The following FTO variants were observed in gnomAD, a reference collection of about 807,000 sequenced individuals.
The protein encoded by FTO is FTO alpha-ketoglutarate dependent dioxygenase.
FTO carries 47 observed loss-of-function variants against 63.9 expected under a neutral mutation model. The ratio of observed to expected loss-of-function variants is 0.74; its 90% CI spans 0.58 to 0.94. The LOEUF is 0.94. FTO is among the 40% of genes least tolerant of loss of function. The pLI is 0.00. For missense variants in FTO, 562 were observed against 618.1 expected, an observed-to-expected ratio of 0.91 and a Z score of 0.96; for synonymous variants, 207 against 224.4, an observed-to-expected ratio of 0.92 and a Z score of 0.69.
intron 1 of FTO, among the ~76,000 whole-genome samples, chr16:53,805,442 GGT>G (rs1491318846): frequency 5.0e-5 from 6 of 120,546 alleles, no homozygotes; most frequent in Admixed American, 3.5e-4. Flanking sequence ...TTTGAGTTGT[GGT>G]TTTTTTTTTT....
At chr16:53,805,361 A>C (rs919438515) in intron 1 of FTO, among the ~76,000 whole-genome samples, 1 of 152,054 alleles carries the variant, frequency 6.6e-6, no homozygotes, top group African/African-American at 2.4e-5. Flanking sequence ...GATACAGCTT[A>C]ACTTTTTCAC....
At chr16:53,968,309 G>C (rs1272206330) in intron 8 of FTO, among the ~76,000 whole-genome samples, 1 of 152,156 alleles carries the variant, frequency 6.6e-6, no homozygotes, top group African/African-American at 2.4e-5. Context: ...AGCCTAATTT[G>C]GTATCTGGGG....
intron 1 of FTO, among the ~76,000 whole-genome samples, chr16:53,744,878 A>G (rs2076613454): frequency 6.6e-6 from 1 of 150,758 alleles, no homozygotes; most frequent in Admixed American, 6.6e-5. Context: ...CTTTGACCAT[A>G]CAACATCTAA....
intron 1 of FTO, among the ~76,000 whole-genome samples, chr16:53,759,691 CTCAAAAA>C (rs2077003031): frequency 2.6e-5 from 3 of 114,314 alleles, no homozygotes; most frequent in Non-Finnish European, 5.4e-5. Context: ...AAGACTCCTT[CTCAAAAA>C]AAAAAAAAAA....
chr16:53,743,782 A>G (rs763242603), intron 1 of FTO, among the ~76,000 whole-genome samples: 4 of 151,806 alleles, frequency 2.6e-5, no homozygotes, highest in Non-Finnish European at 5.9e-5. Flanking sequence ...AACCCTGCCT[A>G]GTTACCATTT....
intron 8 of FTO, among the ~76,000 whole-genome samples, chr16:53,980,331 T>C (rs1397025957): frequency 6.6e-6 from 1 of 152,192 alleles, no homozygotes; most frequent in Admixed American, 6.5e-5. Flanking sequence ...GTTTGCTACC[T>C]GGAAACCAGA....
At chr16:53,880,653 T>C (rs1351539978) in intron 6 of FTO, among the ~76,000 whole-genome samples, 3 of 152,138 alleles carry the variant, frequency 2.0e-5, no homozygotes, top group African/African-American at 7.2e-5. Context: ...CCTCTCACTT[T>C]CCTTAGACGG....
At chr16:53,878,452 T>A (rs8061064) in intron 5 of FTO, among the ~76,000 whole-genome samples, 75,307 of 151,940 alleles carry the variant, frequency 0.5, 19,263 homozygotes, top group East Asian at 0.85. Context: ...TAAAATACAT[T>A]TTAGTCAAGC....
intron 8 of FTO, among the ~76,000 whole-genome samples, chr16:53,941,259 G>A (rs2082522838): frequency 6.6e-6 from 1 of 152,330 alleles, no homozygotes; most frequent in South Asian, 2.1e-4. Flanking sequence ...AGATGAGTAT[G>A]ACGTGAGTCT....
intron 7 of FTO, among the ~76,000 whole-genome samples, chr16:53,912,967 T>C (rs2081750968): frequency 6.6e-6 from 1 of 152,192 alleles, no homozygotes; most frequent in African/African-American, 2.4e-5. Context: ...CAAGTGGCCT[T>C]TGTAAACTGC....
intron 8 of FTO, among the ~76,000 whole-genome samples, chr16:53,995,411 A>G (rs1041173027): frequency 2.0e-5 from 3 of 152,216 alleles, no homozygotes; most frequent in African/African-American, 7.2e-5. Context: ...ACACGATACC[A>G]CTGAGGAAGC....
chr16:53,996,190 A>G (rs927163943), intron 8 of FTO, among the ~76,000 whole-genome samples: 4 of 152,346 alleles, frequency 2.6e-5, no homozygotes, highest in Middle Eastern at 3.4e-3. Context: ...TGGTTCAATA[A>G]GAAGCACCCC....
At chr16:53,768,627 G>A (rs1354795109) in intron 1 of FTO, among the ~76,000 whole-genome samples, 1 of 152,176 alleles carries the variant, frequency 6.6e-6, no homozygotes, top group Non-Finnish European at 1.5e-5. Context: ...TTTGTAAGTG[G>A]AGAAATGGCC....
chr16:54,026,427 G>C (rs1314203319), intron 8 of FTO, among the ~76,000 whole-genome samples: 3 of 152,168 alleles, frequency 2.0e-5, no homozygotes, highest in Non-Finnish European at 4.4e-5. Flanking sequence ...AACTTCCCCA[G>C]AAGCCTTGCC....
chr16:53,873,512 T>C (rs967850027), intron 4 of FTO, among the ~76,000 whole-genome samples: 4 of 149,522 alleles, frequency 2.7e-5, no homozygotes, highest in East Asian at 1.9e-4. Context: ...ATCATATTTA[T>C]TGTATACTTA....
chr16:53,844,765 G>GT (rs747446857), intron 4 of FTO, among the ~76,000 whole-genome samples: 100 of 151,880 alleles, frequency 6.6e-4, no homozygotes, highest in African/African-American at 2.3e-3. Flanking sequence ...ATTAAAAGTT[G>GT]TTTTTCTTTT....
chr16:53,776,248 G>A (rs2077456370), intron 1 of FTO, among the ~76,000 whole-genome samples: 1 of 152,184 alleles, frequency 6.6e-6, no homozygotes, highest in African/African-American at 2.4e-5. Context: ...GCAGTTTGCT[G>A]AAGTGTGTGT....
rs1567583784 is a variant in FTO, at chr16:54,119,339, C to A, written c.*7424C>A. ...CCAGAACAGTTAACCTTCAAACCCCCAAGGCTTGCAAGAGATGAATCAGTT... is the reference window on the plus strand; with the variant it reads ...CCAGAACAGTTAACCTTCAAACCCCAAAGGCTTGCAAGAGATGAATCAGTT... On this transcript the variant is annotated 3_prime_UTR_variant, in exon 9 of 9. Transcript: ENST00000471389. 6.6e-6 allele frequency: 1 copy of A among 152,214 alleles called. No homozygotes were observed. The highest frequency in any genetic ancestry group is 1.5e-5 in the Non-Finnish European group (1 of 68,048). The allele number at this position is 152,214 out of a possible 1,614,324, so 9.4% of individuals were successfully genotyped here.
At chr16:53,824,126 G>A (rs145755017) in intron 2 of FTO, among the ~76,000 whole-genome samples, 96 of 152,284 alleles carry the variant, frequency 6.3e-4, no homozygotes, top group Admixed American at 2.7e-3. Flanking sequence ...TGTATAAGAT[G>A]TAAATCAAGT....
Sources: gnomAD v4.1 joint callset for allele counts (sites outside exome capture counted in the v4.1 genomes callset) on GRCh38, gnomAD v4.1.1 for gene constraint, MANE v1.5 for transcripts, NCBI Gene and HGNC (gene_info 2026-07-23, HGNC 2026-07-21) for gene names.